The following KIF26B variants were observed in gnomAD, a reference collection of about 807,000 sequenced individuals.
The protein encoded by KIF26B is kinesin family member 26B.
Under a neutral mutation model 151.2 loss-of-function variants are expected in KIF26B, and 63 were observed. The observed-to-expected ratio is 0.42, with a 90% CI of 0.34 to 0.51. The LOEUF (loss-of-function observed/expected upper bound fraction) is 0.51. Ranked by LOEUF, KIF26B falls within the 20% of genes least tolerant of loss-of-function variation. KIF26B has a pLI of 0.07. For missense variants in KIF26B, 2,813 were observed against 2,913.6 expected, an observed-to-expected ratio of 0.97 and a Z score of 0.79; for synonymous variants, 1,357 against 1,262.1, an observed-to-expected ratio of 1.08 and a Z score of -1.59.
At chr1:245,276,260 G>C (rs181257174) in intron 2 of KIF26B, among the ~76,000 whole-genome samples, 15 of 152,090 alleles carry the variant, frequency 9.9e-5, no homozygotes, top group African/African-American at 2.7e-4. Flanking sequence ...ACTTGAACTC[G>C]AGAGGCAGAG....
chr1:245,688,919 C>T (rs1449921793), intron 12 of KIF26B, 112 bp downstream of exon 12: 5 of 1,346,194 alleles, frequency 3.7e-6, no homozygotes, highest in Non-Finnish European at 4.9e-6. Context: ...CAGGCCTGGC[C>T]TCTCCTTGCA....
rs776721861 is a variant in KIF26B, at chr1:245,597,861, C to T, written c.1351-4716C>T. Among the ~76,000 whole-genome samples, 149 of 152,122 alleles carry T rather than the reference C, an allele frequency of 9.8e-4. 2 individuals are homozygous for T. The highest frequency in any genetic ancestry group is 6.3e-4 in the Non-Finnish European group (43 of 68,008). On this transcript the variant is annotated intron_variant, in intron 5 of 14. Transcript: ENST00000407071. This position sits in a 1 kb window ranked among gnomAD's most constrained non-coding sequence, Gnocchi z 4.6. ...TCTTTTTTCTCTAATCTTGTCTTCA[C>T]GCTTTATTTCACTAAGTTGATCTTC... is the stretch of plus-strand genomic sequence containing the variant.
chr1:245,700,886 G>A (rs765841658), intron 14 of KIF26B, among the ~76,000 whole-genome samples: 1 of 152,196 alleles, frequency 6.6e-6, no homozygotes, highest in Non-Finnish European at 1.5e-5. Flanking sequence ...CCTTGTTTCA[G>A]GAATCCCTGG....
chr1:245,486,477 T>A (rs1660283242), intron 4 of KIF26B, among the ~76,000 whole-genome samples: 1 of 152,208 alleles, frequency 6.6e-6, no homozygotes, highest in South Asian at 2.1e-4. Flanking sequence ...TAAAATAATT[T>A]CATATATACT....
At chr1:245,289,331 T>C (rs1020802881) in intron 2 of KIF26B, among the ~76,000 whole-genome samples, 3 of 152,226 alleles carry the variant, frequency 2.0e-5, no homozygotes, top group Non-Finnish European at 2.9e-5. Context: ...ATCCAGGCAT[T>C]GTGGAACCTT....
chr1:245,640,122 G>GCTCGCTCTCTCTCTCTCTCTCT (rs1553299289), intron 9 of KIF26B, among the ~76,000 whole-genome samples: 595 of 53,882 alleles, frequency 0.011, 87 homozygotes, highest in East Asian at 0.021. Context: ...ACTAATATTT[G>GCTCGCTCTCTCTCTCTCTCTCT]CTCTCTCTCT....
intron 2 of KIF26B, among the ~76,000 whole-genome samples, chr1:245,341,780 ACTTCC>A (rs1330422369): frequency 1.3e-5 from 2 of 152,174 alleles, no homozygotes; most frequent in Non-Finnish European, 2.9e-5. Flanking sequence ...TCTGTGTCTC[ACTTCC>A]TAAGCAGGCT....
intron 3 of KIF26B, among the ~76,000 whole-genome samples, chr1:245,382,029 C>G (rs1452936370): frequency 6.6e-6 from 1 of 152,142 alleles, no homozygotes; most frequent in African/African-American, 2.4e-5. Context: ...CTGCTGTGAA[C>G]ATGGGTATAC....
chr1:245,607,838 G>A (rs1465394235), intron 7 of KIF26B, 94 bp downstream of exon 7: 1 of 946,650 alleles, frequency 1.1e-6, no homozygotes, highest in African/African-American at 1.6e-5. Flanking sequence ...CTGATGACAG[G>A]AAGGGCTGCG....
In KIF26B at chr1:245,680,701, T is replaced by C. The variant is rs1000042534; in HGVS notation, c.2259-3532T>C. ...CAGGCAGTCCTCATCTTTTGCAGAT[T>C]CTGTATTTGCACATTCACCTACTCA... On this transcript the variant is annotated intron_variant, in intron 10 of 14. Transcript: ENST00000407071. Among the ~76,000 whole-genome samples the C allele has an allele frequency of 3.3e-5, 5 of 152,188 alleles. No individual in the cohort carries two copies. The South Asian group carries it at 1.0e-3, about 31-fold the overall frequency.
intron 10 of KIF26B, among the ~76,000 whole-genome samples, chr1:245,648,668 G>T (rs531670828): frequency 6.6e-6 from 1 of 151,866 alleles, no homozygotes; most frequent in Non-Finnish European, 1.5e-5. Context: ...TGTATTAATC[G>T]TTCAAGCTTC....
chr1:245,293,097 A>T (rs187821285), intron 2 of KIF26B, among the ~76,000 whole-genome samples: 1 of 152,128 alleles, frequency 6.6e-6, no homozygotes, highest in Non-Finnish European at 1.5e-5. Context: ...GAGGCTTTTG[A>T]CTCAAGTCTT....
At chr1:245,194,522 A>G (rs957690022) in intron 2 of KIF26B, among the ~76,000 whole-genome samples, 1 of 152,130 alleles carries the variant, frequency 6.6e-6, no homozygotes, top group Non-Finnish European at 1.5e-5. Context: ...GACTACAGGC[A>G]TGTGCCACCA....
intron 2 of KIF26B, among the ~76,000 whole-genome samples, chr1:245,347,233 T>G (rs1410894801): frequency 6.6e-6 from 1 of 152,216 alleles, no homozygotes; most frequent in Non-Finnish European, 1.5e-5. Context: ...AAAATGCTAT[T>G]ATAACTCCCA....
intron 4 of KIF26B, among the ~76,000 whole-genome samples, chr1:245,461,320 G>T (rs371388048): frequency 6.0e-5 from 9 of 150,852 alleles, no homozygotes; most frequent in African/African-American, 1.5e-4. Context: ...TTTTTTCAGG[G>T]TCTCTCTCTG....
chr1:245,457,117 C>T (rs565740549), intron 4 of KIF26B, among the ~76,000 whole-genome samples: 7 of 152,356 alleles, frequency 4.6e-5, no homozygotes, highest in South Asian at 2.1e-4. Flanking sequence ...CTGCCCGCCT[C>T]GGCCTCCCAA....
At chr1:245,647,449 AAAAG>A (rs1558250812) in intron 10 of KIF26B, among the ~76,000 whole-genome samples, 2 of 150,528 alleles carry the variant, frequency 1.3e-5, no homozygotes, top group African/African-American at 2.5e-5. Context: ...AAAAAGAAAA[AAAAG>A]AAAATTTATT....
Position 245,241,286 on chromosome 1 carries a change from G to A in KIF26B, c.465+84603G>A, listed in dbSNP as rs1416435346. Among the ~76,000 whole-genome samples, 1 of 152,118 alleles carries A rather than the reference G, an allele frequency of 6.6e-6. No individual in the cohort carries two copies. The highest frequency in any genetic ancestry group is 1.5e-5 in the Non-Finnish European group (1 of 68,016). ...CAGAGGAAGACCACGAAGCCAGAGG[G>A]TGCCCCGACAGAGGAAAAGCGGCCG... On this transcript the variant is annotated intron_variant, in intron 2 of 14. Coordinates refer to ENST00000407071, the MANE Select transcript of KIF26B (RefSeq NM_018012.4). This position sits in a 1 kb window ranked among gnomAD's most constrained non-coding sequence, Gnocchi z 5.0.
chr1:245,426,288 C>T lies in KIF26B; in HGVS notation c.1166+6543C>T, dbSNP rs139220774. Among the ~76,000 whole-genome samples the T allele has an allele frequency of 4.3e-3, 652 of 151,680 alleles. 3 individuals carry two copies. The highest frequency in any genetic ancestry group is 0.015 in the African/African-American group (607 of 41,302). On this transcript the variant is annotated intron_variant, in intron 4 of 14. Transcript: ENST00000407071. ...CCTTTACACAGTGTTTTCCTGTTGA[C>T]GAAAAATATGTCTCTCCTGGGTCTG...
Sources: allele counts gnomAD v4.1 joint callset (sites outside exome capture counted in the v4.1 genomes callset), GRCh38; gene constraint gnomAD v4.1.1; non-coding constraint Gnocchi (gnomAD v3.1); transcripts MANE v1.5; gene names NCBI Gene and HGNC (gene_info 2026-07-23, HGNC 2026-07-21).